Variants in TPPP observed in about 807,000 individuals in gnomAD.
TPPP encodes tubulin polymerization-promoting protein.
TPPP carries 6 observed loss-of-function variants against 15.5 expected under a neutral mutation model. That is an observed-to-expected ratio of 0.39 (90% CI 0.21 to 0.77). The LOEUF is 0.77. Among genes scored for constraint, TPPP ranks in the 30% least tolerant of loss-of-function variants. The pLI is 0.42. For synonymous variants in TPPP, 146 were observed against 133.9 expected (o/e 1.09, Z -0.63); for missense variants, 269 against 307.2 (o/e 0.88, Z 0.93).
chr5:668,357 G>A (rs1580076610), intron 2 of TPPP, among the ~76,000 whole-genome samples: 1 of 108,156 alleles, frequency 9.2e-6, no homozygotes, highest in Non-Finnish European at 1.8e-5. Context: ...GTGCGGACAA[G>A]CACACTGGAG....
chr5:696,778 A>G (rs1297060459), upstream of TPPP, among the ~76,000 whole-genome samples: 1 of 84,512 alleles, frequency 1.2e-5, no homozygotes, highest in African/African-American at 4.0e-5. Flanking sequence ...GTGCATTCCT[A>G]TGTGTGAATG....
intron 1 of TPPP, among the ~76,000 whole-genome samples, chr5:682,709 G>A (rs1379496097): frequency 1.8e-4 from 28 of 152,130 alleles, no homozygotes; most frequent in African/African-American, 5.6e-4. Flanking sequence ...TGTTTTAAAG[G>A]TAGCAGCAGC....
chr5:669,273 T>TGGTGAGCCC (rs145649492), intron 2 of TPPP, among the ~76,000 whole-genome samples: 27 of 151,704 alleles, frequency 1.8e-4, no homozygotes, highest in African/African-American at 6.3e-4. Flanking sequence ...CAGGGGGCGC[T>TGGTGAGCCC]GGTGAGCCCG....
rs369396503 is a variant in TPPP at position 677,742 on chromosome 5, G to A, written c.311+8C>T. The stretch of plus-strand genomic sequence containing the variant: ...AGGTCCCTCGGCCCGTGAGCCCAGC[G>A]CACTCACTTGATCTTGCTGAAGACG... On this transcript the variant is annotated splice_region_variant and intron_variant, in intron 2 of 3. Transcript: ENST00000360578. 35 of 1,546,156 alleles carry A rather than the reference G, an allele frequency of 2.3e-5. No individual in the cohort carries two copies. Among genetic ancestry groups the A allele is most frequent in the Middle Eastern group, 3.5e-4 (2 of 5,766 alleles).
chr5:700,050 C>T, the TPPP span, among the ~76,000 whole-genome samples: 1 of 151,870 alleles, frequency 6.6e-6, no homozygotes, highest in South Asian at 2.1e-4. Context: ...TCTCAAAGAA[C>T]TAAAAATAGA....
chr5:672,454 G>A (rs1003033913), intron 2 of TPPP, among the ~76,000 whole-genome samples: 2 of 152,258 alleles, frequency 1.3e-5, no homozygotes, highest in African/African-American at 2.4e-5. Flanking sequence ...CCTGGGGGAG[G>A]CCAGGGCTCC....
intron 2 of TPPP, among the ~76,000 whole-genome samples, chr5:669,705 TC>T (rs1212191314): frequency 6.6e-6 from 1 of 151,878 alleles, no homozygotes; most frequent in Non-Finnish European, 1.5e-5. Context: ...GACATTCAGA[TC>T]CGGACACCTG....
At chr5:666,240 A>C in intron 2 of TPPP, 117 bp from the exon 3 acceptor site, 1 of 1,216,878 alleles carries the variant, frequency 8.2e-7, no homozygotes, top group Non-Finnish European at 1.1e-6. Context: ...GGCTTCACCC[A>C]CAGGCGGCCG....
Position 692,884 on chromosome 5 carries a change from G to C in TPPP, c.-5+394C>G, listed in dbSNP as rs1287756459. 1.9e-5 allele frequency: 18 copies of C among 951,330 alleles called. No homozygotes were observed. In the African/African-American group the frequency reaches 2.6e-4, roughly 14 times the overall value. The allele number at this position is 951,330 out of a possible 1,614,324, so 58.9% of individuals were successfully genotyped here. On this transcript the variant is annotated intron_variant, in intron 1 of 3. Coordinates refer to ENST00000360578, the MANE Select transcript of TPPP (RefSeq NM_007030.3). ...ACGCCTCACACCGGCGGCCCCCTAG[G>C]CCTGGGAATAGGGAAACGGTTCGAG...
Position 664,782 on chromosome 5 carries a change from G to A in TPPP, c.*320C>T. The stretch of plus-strand genomic sequence containing the variant: ...CCTCCTGTTGCCATGACAGCCAGCT[G>A]CTTTAAAACGCCCCTTTGACCTGCA... On this transcript the variant is annotated 3_prime_UTR_variant, in exon 4 of 4. Transcript: ENST00000360578. 3.4e-6 allele frequency: 1 copy of A among 295,912 alleles called. No individual in the cohort carries two copies. The highest frequency in any genetic ancestry group is 6.4e-6 in the Non-Finnish European group (1 of 156,544). The allele number at this position is 295,912 out of a possible 1,614,324, so 18.3% of individuals were successfully genotyped here.
In TPPP at chr5:665,077, A is replaced by G. The variant is rs1180814474; in HGVS notation, c.*25T>C. ...GAGTCCCTGCTCTGGGGACACCGGC[A>G]GTGCCGCGAGGCATGGAGCGGGGGC... On this transcript the variant is annotated 3_prime_UTR_variant, in exon 4 of 4. Coordinates refer to ENST00000360578, the MANE Select transcript of TPPP (RefSeq NM_007030.3). The G allele has an allele frequency of 6.3e-7, 1 of 1,599,868 alleles. No homozygotes were observed. The highest frequency in any genetic ancestry group is 2.2e-5 in the East Asian group (1 of 44,812).
chr5:678,077 G>A lies in TPPP; in HGVS notation c.-4-13C>T, dbSNP rs1348012666. The A allele has an allele frequency of 6.6e-6, 10 of 1,514,670 alleles. No individual in the cohort carries two copies. Among genetic ancestry groups the A allele is most frequent in the Non-Finnish European group, 8.9e-6 (10 of 1,129,726 alleles). The allele number at this position is 1,514,670 out of a possible 1,614,324, so 93.8% of individuals were successfully genotyped here. ...GTCAGCCATGTTGCTATGGAGGAAG[G>A]AGAGGAGAAAGGTGTCACCCGGGCC... On this transcript the variant is annotated splice_polypyrimidine_tract_variant and intron_variant, in intron 1 of 3. Coordinates refer to ENST00000360578, the MANE Select transcript of TPPP (RefSeq NM_007030.3).
In TPPP at chr5:662,316, GGGCC is replaced by G. The variant is rs1246017510; in HGVS notation, c.*2782_*2785del. The G allele has an allele frequency of 1.3e-5, 2 of 152,584 alleles. No homozygotes were observed. The highest frequency in any genetic ancestry group is 4.8e-5 in the African/African-American group (2 of 41,466). 9.5% of individuals were successfully genotyped at this position (152,584 alleles called of 1,614,324 possible). A position where few individuals can be genotyped will look rare whatever the true frequency, so the allele number is the denominator to read the frequency against. On this transcript the variant is annotated 3_prime_UTR_variant, in exon 4 of 4. Coordinates refer to ENST00000360578, the MANE Select transcript of TPPP (RefSeq NM_007030.3). Reference sequence around the variant, plus strand: ...CGGGCGGAGGCTCTTCTCGTGCTCAGGGCCGGTTTCTGGTGTGCTCCCGATGCGC... The same window carrying G: ...CGGGCGGAGGCTCTTCTCGTGCTCAGGGTTTCTGGTGTGCTCCCGATGCGC...
rs1299117139 is a variant in TPPP at position 660,330 on chromosome 5, C to T, written c.*4772G>A. 6.6e-6 allele frequency: 1 copy of T among 151,832 alleles called. No individual in the cohort carries two copies. Among genetic ancestry groups the T allele is most frequent in the Admixed American group, 6.6e-5 (1 of 15,212 alleles). The allele number at this position is 151,832 out of a possible 1,614,324, so 9.4% of individuals were successfully genotyped here. A position where few individuals can be genotyped will look rare whatever the true frequency, so the allele number is the denominator to read the frequency against. On this transcript the variant is annotated 3_prime_UTR_variant, in exon 4 of 4. Transcript: ENST00000360578. ...TGTGCAGATTTCCTTTGTGGTTTGGCTTGGTTTAGTTTTTTAAGAGGTCGA... is the reference window on the plus strand; with the variant it reads ...TGTGCAGATTTCCTTTGTGGTTTGGTTTGGTTTAGTTTTTTAAGAGGTCGA...
At chr5:674,091 C>G (rs547682626) in intron 2 of TPPP, among the ~76,000 whole-genome samples, 2 of 152,260 alleles carry the variant, frequency 1.3e-5, no homozygotes, top group Non-Finnish European at 2.9e-5. Context: ...GCAGGGCTGA[C>G]GGCCCCTGGA....
intron 1 of TPPP, among the ~76,000 whole-genome samples, chr5:681,102 G>A (rs544420198): frequency 4.6e-5 from 7 of 152,286 alleles, no homozygotes; most frequent in Non-Finnish European, 7.4e-5. Context: ...CTCCCTTGGC[G>A]CTCTCCACCG....
At chr5:683,035 C>A (rs1488014491) in intron 1 of TPPP, among the ~76,000 whole-genome samples, 1 of 151,200 alleles carries the variant, frequency 6.6e-6, no homozygotes, top group African/African-American at 2.5e-5. Context: ...CTGCAGGCCC[C>A]CTGGGTTGTG....
intron 2 of TPPP, 92 bp from the exon 3 acceptor site, chr5:666,215 G>T: frequency 7.0e-7 from 1 of 1,425,652 alleles, no homozygotes; most frequent in South Asian, 1.3e-5. Flanking sequence ...GACAGCCATG[G>T]CCCAGCAGCC....
chr5:686,910 C>T (rs1467092343), intron 1 of TPPP, among the ~76,000 whole-genome samples: 3 of 143,156 alleles, frequency 2.1e-5, no homozygotes, highest in Non-Finnish European at 4.7e-5. Flanking sequence ...GACATGGCAA[C>T]CAGGCCCTGT....
Sources: allele counts gnomAD v4.1 joint callset (sites outside exome capture counted in the v4.1 genomes callset), GRCh38; gene constraint gnomAD v4.1.1; transcripts MANE v1.5; gene names NCBI Gene and HGNC (gene_info 2026-07-23, HGNC 2026-07-21).